CMSS1: variants seen among roughly 807,000 people sequenced by gnomAD.
The protein encoded by CMSS1 is protein CMSS1.
Under a neutral mutation model 43.5 loss-of-function variants are expected in CMSS1, and 33 were observed. The observed-to-expected ratio is 0.76, with a 90% confidence interval of 0.57 to 1.01. The LOEUF (loss-of-function observed/expected upper bound fraction) is 1.01, where lower values mean the gene tolerates loss of function less well. Ranked by LOEUF, CMSS1 falls within the 50% of genes least tolerant of loss-of-function variation. The pLI is 0.00. For missense variants in CMSS1, 313 were observed against 326.4 expected (o/e 0.96, Z 0.32); for synonymous variants, 115 against 117.2 (o/e 0.98, Z 0.12).
chr3:99,833,171 C>T, intron 1 of CMSS1: 1 of 1,439,736 alleles, frequency 6.9e-7, no homozygotes, highest in Non-Finnish European at 9.7e-7. Context: ...TTAATAAATG[C>T]TTAACCCAGT....
intron 1 of CMSS1, chr3:100,039,653 A>G (rs982821578): frequency 2.0e-5 from 3 of 152,198 alleles, no homozygotes; most frequent in Non-Finnish European, 4.4e-5. Context: ...GTATATCACC[A>G]AGTAATTTTT....
At chr3:99,927,660 C>T (rs967740133) in intron 1 of CMSS1, among the ~76,000 whole-genome samples, 2 of 152,190 alleles carry the variant, frequency 1.3e-5, no homozygotes, top group African/African-American at 4.8e-5. Context: ...TGAGCCACTG[C>T]GCCCGGCCCA....
intron 3 of CMSS1, among the ~76,000 whole-genome samples, chr3:100,161,693 A>G (rs1362248166): frequency 6.6e-6 from 1 of 152,188 alleles, no homozygotes. Flanking sequence ...CATTCAATAC[A>G]TGCTACACAA....
intron 1 of CMSS1, among the ~76,000 whole-genome samples, chr3:99,882,009 G>A (rs554866966): frequency 2.6e-5 from 4 of 152,276 alleles, no homozygotes; most frequent in Admixed American, 2.6e-4. Flanking sequence ...CTTTGGAATA[G>A]TTGACCAACT....
rs145052775 is a variant in CMSS1 at position 100,027,075 on chromosome 3, C to T, written c.65-119898C>T. Among the ~76,000 whole-genome samples the T allele has an allele frequency of 3.0e-4, 45 of 152,250 alleles. No homozygotes were observed. In the East Asian group the frequency reaches 8.3e-3, roughly 28 times the overall value. On this transcript the variant is annotated intron_variant, in intron 1 of 9. Transcript: ENST00000421999. ...CCCATTCATCCCCTGCATCCCTTTGCTTAAATGTCATCTTCTCAGTGAAAC... is the reference window on the plus strand; with the variant it reads ...CCCATTCATCCCCTGCATCCCTTTGTTTAAATGTCATCTTCTCAGTGAAAC...
chr3:100,141,311 C>G (rs1165920291), intron 1 of CMSS1, among the ~76,000 whole-genome samples: 1 of 152,202 alleles, frequency 6.6e-6, no homozygotes, highest in Non-Finnish European at 1.5e-5. Flanking sequence ...ACATAAAAAT[C>G]CCATTAAATT....
chr3:100,099,521 G>A (rs1267560999), intron 1 of CMSS1, among the ~76,000 whole-genome samples: 1 of 152,132 alleles, frequency 6.6e-6, no homozygotes, highest in Admixed American at 6.6e-5. Flanking sequence ...AAAAGTATTT[G>A]TATCGGTCTA....
chr3:100,146,917 T>G (rs1406961235), intron 1 of CMSS1, 56 bp from the exon 2 acceptor site: 1 of 1,569,592 alleles, frequency 6.4e-7, no homozygotes, highest in African/African-American at 1.4e-5. Flanking sequence ...GTACCAAGAT[T>G]GCACTAGCAA....
intron 1 of CMSS1, among the ~76,000 whole-genome samples, chr3:100,072,375 C>T (rs925739914): frequency 1.3e-5 from 2 of 152,220 alleles, no homozygotes; most frequent in Non-Finnish European, 2.9e-5. Context: ...TCTGAGAGCT[C>T]TCCTTGATTC....
At chr3:100,118,638 T>C (rs1467622064) in intron 1 of CMSS1, among the ~76,000 whole-genome samples, 1 of 152,206 alleles carries the variant, frequency 6.6e-6, no homozygotes, top group Non-Finnish European at 1.5e-5. Flanking sequence ...ATCTTAAAAT[T>C]CCATCTCCGT....
At chr3:100,045,368 T>A (rs959177380) in intron 1 of CMSS1, among the ~76,000 whole-genome samples, 1 of 152,188 alleles carries the variant, frequency 6.6e-6, no homozygotes, top group Non-Finnish European at 1.5e-5. Flanking sequence ...TTAGCACTAA[T>A]TGACAAAGAG....
At chr3:100,060,589 T>C (rs1400363361) in intron 1 of CMSS1, among the ~76,000 whole-genome samples, 1 of 152,088 alleles carries the variant, frequency 6.6e-6, no homozygotes, top group Non-Finnish European at 1.5e-5. Flanking sequence ...GCGCAGTGGC[T>C]CACACCTGTA....
chr3:100,090,422 T>G (rs2066083582), intron 1 of CMSS1, among the ~76,000 whole-genome samples: 1 of 152,204 alleles, frequency 6.6e-6, no homozygotes, highest in Non-Finnish European at 1.5e-5. Context: ...TCCTCTACCT[T>G]ATAACATTTT....
chr3:100,055,732 T>C (rs2065453515), intron 1 of CMSS1, among the ~76,000 whole-genome samples: 1 of 152,236 alleles, frequency 6.6e-6, no homozygotes, highest in Admixed American at 6.5e-5. Context: ...ATTTTTGTGA[T>C]TATCCCAGTA....
At chr3:99,864,915 C>T (rs907709045) in intron 1 of CMSS1, among the ~76,000 whole-genome samples, 1 of 152,150 alleles carries the variant, frequency 6.6e-6, no homozygotes, top group African/African-American at 2.4e-5. Flanking sequence ...TGTATGTGCG[C>T]ACACACGCAT....
At chr3:99,920,153 C>T (rs1422505001) in intron 1 of CMSS1, among the ~76,000 whole-genome samples, 1 of 152,120 alleles carries the variant, frequency 6.6e-6, no homozygotes, top group Non-Finnish European at 1.5e-5. Context: ...TTCTTTCCTG[C>T]TTTAGTTGTT....
intron 1 of CMSS1, among the ~76,000 whole-genome samples, chr3:99,823,464 T>G (rs1942478391): frequency 6.6e-6 from 1 of 152,220 alleles, no homozygotes. Context: ...AGTATTCTGA[T>G]TTATTTATTT....
At chr3:100,006,205 A>G (rs1400516326) in intron 1 of CMSS1, among the ~76,000 whole-genome samples, 1 of 152,134 alleles carries the variant, frequency 6.6e-6, no homozygotes, top group East Asian at 1.9e-4. Flanking sequence ...CCCCATTAAG[A>G]TAACCTCAGA....
At chr3:99,991,898 A>G (rs546410614) in intron 1 of CMSS1, among the ~76,000 whole-genome samples, 6 of 148,848 alleles carry the variant, frequency 4.0e-5, no homozygotes, top group South Asian at 2.1e-4. Flanking sequence ...ATATGTGTGT[A>G]TATATATACA....
Sources: gnomAD v4.1 joint callset for allele counts (sites outside exome capture counted in the v4.1 genomes callset) on GRCh38, gnomAD v4.1.1 for gene constraint, MANE v1.5 for transcripts, NCBI Gene and HGNC (gene_info 2026-07-23, HGNC 2026-07-21) for gene names.